PTPRM: variants seen among roughly 807,000 people sequenced by gnomAD.
PTPRM encodes protein tyrosine phosphatase receptor type M.
Under a neutral mutation model 186.7 loss-of-function variants are expected in PTPRM, and 47 were observed. That is an observed-to-expected ratio of 0.25 (90% CI 0.20 to 0.32). PTPRM has a LOEUF of 0.32. Ranked by LOEUF, PTPRM falls within the 10% of genes least tolerant of loss-of-function variation. The pLI, the probability that PTPRM is intolerant of heterozygous loss-of-function variation, is 1.00. For synonymous variants in PTPRM, 668 were observed against 674.9 expected, an observed-to-expected ratio of 0.99 and a Z score of 0.16; for missense variants, 1,494 against 1,865.0, an observed-to-expected ratio of 0.80 and a Z score of 3.66.
intron 13 of PTPRM, 138 bp from the exon 14 acceptor site, chr18:8,143,509 T>TA: frequency 2.3e-6 from 2 of 883,798 alleles, no homozygotes; most frequent in South Asian, 1.8e-5. Context: ...GAAAGCTGTT[T>TA]AAAAAATCAA....
At chr18:7,648,182 A>G (rs1235080256) in intron 1 of PTPRM, among the ~76,000 whole-genome samples, 4 of 152,024 alleles carry the variant, frequency 2.6e-5, no homozygotes, top group African/African-American at 7.2e-5. Flanking sequence ...TACTATTGTA[A>G]TTGTTTTGGG....
intron 14 of PTPRM, among the ~76,000 whole-genome samples, chr18:8,205,274 A>G (rs959025806): frequency 2.0e-5 from 3 of 152,210 alleles, no homozygotes; most frequent in South Asian, 2.1e-4. Flanking sequence ...AGGAAAATAT[A>G]TCAAGTTTAA....
chr18:7,823,241 C>T (rs150955837), intron 2 of PTPRM, among the ~76,000 whole-genome samples: 60 of 152,314 alleles, frequency 3.9e-4, no homozygotes, highest in African/African-American at 1.4e-3. Context: ...CAAGCTGACA[C>T]TGTGGTGTTT....
chr18:8,235,872 G>A (rs936872824), intron 14 of PTPRM, among the ~76,000 whole-genome samples: 2 of 151,930 alleles, frequency 1.3e-5, no homozygotes, highest in Non-Finnish European at 2.9e-5. Flanking sequence ...CCAAGTATTA[G>A]GGATTTTTCC....
At chr18:7,738,156 A>G (rs1336883125) in intron 1 of PTPRM, among the ~76,000 whole-genome samples, 5 of 152,200 alleles carry the variant, frequency 3.3e-5, no homozygotes, top group African/African-American at 4.8e-5. Flanking sequence ...TTTTTAAATC[A>G]TTATAACTAG....
chr18:7,833,071 C>G (rs1598947368), intron 2 of PTPRM, among the ~76,000 whole-genome samples: 1 of 151,938 alleles, frequency 6.6e-6, no homozygotes, highest in African/African-American at 2.4e-5. Context: ...CAGTTTTGTT[C>G]TTTTTGCTTA....
chr18:7,672,136 A>G (rs2039230820), intron 1 of PTPRM, among the ~76,000 whole-genome samples: 1 of 152,176 alleles, frequency 6.6e-6, no homozygotes, highest in Non-Finnish European at 1.5e-5. Flanking sequence ...TAGTCATTGA[A>G]ATGGGTGGCG....
intron 13 of PTPRM, among the ~76,000 whole-genome samples, chr18:8,128,194 G>A (rs2092418997): frequency 6.6e-6 from 1 of 152,138 alleles, no homozygotes; most frequent in Non-Finnish European, 1.5e-5. Context: ...ATAACCAACT[G>A]ATTGAAAGTA....
intron 2 of PTPRM, among the ~76,000 whole-genome samples, chr18:7,875,244 C>T (rs2048180510): frequency 6.6e-6 from 1 of 151,758 alleles, no homozygotes; most frequent in African/African-American, 2.4e-5. Flanking sequence ...TGACATATCC[C>T]ACAGTGGGTA....
chr18:8,226,318 C>T (rs2094213811), intron 14 of PTPRM, among the ~76,000 whole-genome samples: 1 of 148,202 alleles, frequency 6.7e-6, no homozygotes, highest in South Asian at 2.1e-4. Flanking sequence ...CATGTAAAGG[C>T]CAAATCGTTT....
chr18:8,178,099 C>T (rs746275143), intron 14 of PTPRM, among the ~76,000 whole-genome samples: 5 of 152,316 alleles, frequency 3.3e-5, no homozygotes, highest in Middle Eastern at 3.4e-3. Flanking sequence ...AGCTGCTGAT[C>T]ACCAGTTTCA....
At chr18:8,179,889 ACCTTTAT>A (rs1432397704) in intron 14 of PTPRM, among the ~76,000 whole-genome samples, 6 of 152,144 alleles carry the variant, frequency 3.9e-5, no homozygotes, top group African/African-American at 1.4e-4. Context: ...ATACCTCTTT[ACCTTTAT>A]AACCTTTGAA....
intron 11 of PTPRM, among the ~76,000 whole-genome samples, chr18:8,105,800 C>T (rs989121885): frequency 6.6e-6 from 1 of 152,122 alleles, no homozygotes; most frequent in African/African-American, 2.4e-5. Context: ...AGTCACCCCC[C>T]AGAAAAACCA....
intron 2 of PTPRM, among the ~76,000 whole-genome samples, chr18:7,818,381 G>T (rs2044970112): frequency 6.6e-6 from 1 of 152,026 alleles, no homozygotes; most frequent in Admixed American, 6.6e-5. Context: ...TCCATCCTAG[G>T]GTAAGATTAA....
At chr18:8,384,952 T>C (rs977897746) in intron 30 of PTPRM, among the ~76,000 whole-genome samples, 3 of 152,210 alleles carry the variant, frequency 2.0e-5, no homozygotes, top group Non-Finnish European at 2.9e-5. Flanking sequence ...TCACAGGACC[T>C]TGCAGTGGGT....
At position 7,885,061 on chromosome 18, in the gene PTPRM, A is replaced by G. The variant is rs565518447; in HGVS notation, c.197-3045A>G. Among the ~76,000 whole-genome samples the G allele has an allele frequency of 6.6e-5, 10 of 152,126 alleles. No individual in the cohort carries two copies. In the East Asian group the frequency reaches 1.7e-3, roughly 26 times the overall value. On this transcript the variant is annotated intron_variant, in intron 2 of 32. Coordinates refer to ENST00000580170, the MANE Select transcript of PTPRM (RefSeq NM_001105244.2). ...GTGAACAAAAACATTGACAAAACTA[A>G]TAAAAGTGCTGGCTCTCTGAACTCC...
At chr18:8,250,801 AAGT>A (rs1366439548) in intron 17 of PTPRM, among the ~76,000 whole-genome samples, 4 of 152,094 alleles carry the variant, frequency 2.6e-5, no homozygotes, top group East Asian at 1.9e-4. Flanking sequence ...AAAAAAAAAA[AAGT>A]AGAAAAAAAA....
intron 1 of PTPRM, among the ~76,000 whole-genome samples, chr18:7,697,226 C>T (rs760547827): frequency 2.0e-5 from 3 of 152,102 alleles, no homozygotes; most frequent in African/African-American, 4.8e-5. Flanking sequence ...TAGTTTAGCT[C>T]GATGAAGCAG....
At chr18:7,919,256 C>T (rs1327921520) in intron 4 of PTPRM, among the ~76,000 whole-genome samples, 2 of 152,014 alleles carry the variant, frequency 1.3e-5, no homozygotes, top group African/African-American at 4.8e-5. Context: ...TCTTTTTGCT[C>T]AGGCTTGCTT....
Sources: gnomAD v4.1 joint callset for allele counts (sites outside exome capture counted in the v4.1 genomes callset) on GRCh38, gnomAD v4.1.1 for gene constraint, MANE v1.5 for transcripts, NCBI Gene and HGNC (gene_info 2026-07-23, HGNC 2026-07-21) for gene names.